Variants in PHLPP1 observed in about 807,000 individuals in gnomAD.
PHLPP1 encodes PH domain leucine-rich repeat-containing protein phosphatase 1.
In PHLPP1, 42 loss-of-function variants were observed where a neutral mutation model predicts 117.2. The observed-to-expected ratio is 0.36, with a 90% CI of 0.28 to 0.46. The LOEUF is 0.46. Among genes scored for constraint, PHLPP1 ranks in the 20% least tolerant of loss-of-function variants. The probability of loss-of-function intolerance (pLI) is 1.00; values close to 1 mark genes in which losing one functional copy is unlikely to be tolerated. For missense variants in PHLPP1, 2,084 were observed against 2,241.9 expected, an observed-to-expected ratio of 0.93 and a Z score of 1.42; for synonymous variants, 1,042 against 970.7, an observed-to-expected ratio of 1.07 and a Z score of -1.37.
chr18:62,737,481 T>G (rs1911403408), intron 1 of PHLPP1, among the ~76,000 whole-genome samples: 1 of 152,222 alleles, frequency 6.6e-6, no homozygotes, highest in African/African-American at 2.4e-5. Context: ...AACTAGAAAC[T>G]TGAAGACTGC....
intron 1 of PHLPP1, among the ~76,000 whole-genome samples, chr18:62,788,614 T>C (rs1913368092): frequency 6.6e-6 from 1 of 152,158 alleles, no homozygotes; most frequent in East Asian, 1.9e-4. Flanking sequence ...TCTACCAAGG[T>C]GTGTCACCAT....
intron 1 of PHLPP1, among the ~76,000 whole-genome samples, chr18:62,783,750 T>A (rs890525833): frequency 1.3e-5 from 2 of 152,178 alleles, no homozygotes; most frequent in African/African-American, 4.8e-5. Context: ...GCCTAATAAC[T>A]TGTGCCTTAA....
In PHLPP1 at chr18:62,772,830, C is replaced by CAAAAAAAAAAAAAAA. The variant is rs59776161; in HGVS notation, c.1576+55576_1576+55590dup. On this transcript the variant is annotated intron_variant, in intron 1 of 16. Transcript: ENST00000262719. Reference sequence around the variant, plus strand: ...TGGGCTACTAAGCAAGACTCTTTCTCAAAAAAAAAAAAAAAAAAAGATTTT... The same window carrying CAAAAAAAAAAAAAAA: ...TGGGCTACTAAGCAAGACTCTTTCTCAAAAAAAAAAAAAAAAAAAAAAAAAAAAAAAAAAGATTTT... 4.1e-3 allele frequency among the ~76,000 whole-genome samples: 249 copies of CAAAAAAAAAAAAAAA among 60,924 alleles called. 10 individuals are homozygous for CAAAAAAAAAAAAAAA. The highest frequency in any genetic ancestry group is 0.015 in the African/African-American group (207 of 13,696). The allele number at this position is 60,924 out of a possible 152,430, so 40.0% of individuals were successfully genotyped here. A position where few individuals can be genotyped will look rare whatever the true frequency, so the allele number is the denominator to read the frequency against.
At chr18:62,720,213 T>G (rs1479377791) in intron 1 of PHLPP1, among the ~76,000 whole-genome samples, 3 of 152,194 alleles carry the variant, frequency 2.0e-5, no homozygotes, top group African/African-American at 7.2e-5. Context: ...CGACATAAGT[T>G]ATGGACTCCT....
intron 1 of PHLPP1, among the ~76,000 whole-genome samples, chr18:62,747,637 C>T (rs1911718772): frequency 1.3e-5 from 2 of 152,104 alleles, no homozygotes; most frequent in East Asian, 1.9e-4. Flanking sequence ...CCACCTCAGC[C>T]TCCTGAGTAG....
chr18:62,853,645 C>T (rs1915417972), intron 3 of PHLPP1, among the ~76,000 whole-genome samples: 1 of 152,222 alleles, frequency 6.6e-6, no homozygotes, highest in Non-Finnish European at 1.5e-5. Flanking sequence ...GCTGGGATTA[C>T]AGGCGTGAGC....
chr18:62,912,566 T>A lies in PHLPP1; in HGVS notation c.2709-2347T>A, dbSNP rs558760357. ...TTGAATAAGAGCAGTATAGGAAGAGTATAGGAATGGGATTTGCGTACATGG... is the reference window on the plus strand; with the variant it reads ...TTGAATAAGAGCAGTATAGGAAGAGAATAGGAATGGGATTTGCGTACATGG... On this transcript the variant is annotated intron_variant, in intron 8 of 16. Coordinates refer to ENST00000262719, the MANE Select transcript of PHLPP1 (RefSeq NM_194449.4). Among the ~76,000 whole-genome samples the A allele has an allele frequency of 2.0e-5, 3 of 149,498 alleles. No homozygotes were observed. The Admixed American group carries it at 2.0e-4, about 10-fold the overall frequency.
chr18:62,715,771 GCAGCAGCAGCAGCAGC>G lies in PHLPP1; in HGVS notation c.89_104del (p.Ala30GlyfsTer21). On this transcript the variant is annotated frameshift_variant, in exon 1 of 17. Coordinates refer to ENST00000262719, the MANE Select transcript of PHLPP1 (RefSeq NM_194449.4). LOFTEE classifies it high-confidence loss of function. ...TTCGGCTCCGGCGGCCGCCGCTGCG[GCAGCAGCAGCAGCAGC>G]GGCGGCCGCGGCGGCTCTGGCGGCG... 3.5e-6 allele frequency: 3 copies of G among 861,666 alleles called. No homozygotes were observed. The highest frequency in any genetic ancestry group is 2.9e-6 in the Non-Finnish European group (2 of 700,870). The allele number at this position is 861,666 out of a possible 1,614,324, so 53.4% of individuals were successfully genotyped here.
intron 9 of PHLPP1, among the ~76,000 whole-genome samples, chr18:62,918,205 CAAAAAAAAAAA>C (rs11317555): frequency 7.4e-5 from 6 of 80,624 alleles, no homozygotes; most frequent in African/African-American, 2.0e-4. Flanking sequence ...GACTCTGTCT[CAAAAAAAAAAA>C]AAAAAAAAAG....
chr18:62,979,032 G>C lies in PHLPP1; in HGVS notation c.4755G>C (p.Gln1585His). The change falls in exon 17 of 17, where the codon CAG becomes CAC. Residue 1585 changes from glutamine (Q) to histidine (H), a missense_variant. By Grantham distance (24) the Gln-to-His change is conservative. Transcript: ENST00000262719. ...AGGAGAAACAGCAGCACCTGCTTCAGGTGCCAGCAGAGGCCAGTGATGAGG... is the reference window on the plus strand; with the variant it reads ...AGGAGAAACAGCAGCACCTGCTTCACGTGCCAGCAGAGGCCAGTGATGAGG... Reference protein sequence around the residue: ...KEKEKQQHLLQVPAEASDEGI... With the variant: ...KEKEKQQHLLHVPAEASDEGI... 2 of 1,613,790 alleles carry C rather than the reference G, an allele frequency of 1.2e-6. No homozygotes were observed. The highest frequency in any genetic ancestry group is 1.7e-6 in the Non-Finnish European group (2 of 1,179,796).
chr18:62,964,603 G>A (rs1259956211), intron 14 of PHLPP1, among the ~76,000 whole-genome samples: 2 of 152,170 alleles, frequency 1.3e-5, no homozygotes, highest in Non-Finnish European at 2.9e-5. Flanking sequence ...ACCCGAGGAG[G>A]TGTGCCTCAG....
intron 12 of PHLPP1, among the ~76,000 whole-genome samples, chr18:62,945,970 G>T (rs1425832462): frequency 6.6e-6 from 1 of 152,198 alleles, no homozygotes; most frequent in Non-Finnish European, 1.5e-5. Context: ...ACAACCATGT[G>T]TTCCTATTTT....
chr18:62,951,812 A>ATTTT (rs34516044), intron 12 of PHLPP1, among the ~76,000 whole-genome samples: 6 of 101,414 alleles, frequency 5.9e-5, no homozygotes, highest in Non-Finnish European at 9.6e-5. Context: ...CACATAATTA[A>ATTTT]TTTTTTTTTT....
chr18:62,966,258 ATAT>A (rs1910901948), intron 14 of PHLPP1, among the ~76,000 whole-genome samples: 2 of 152,124 alleles, frequency 1.3e-5, no homozygotes, highest in African/African-American at 2.4e-5. Context: ...TTAACTACTA[ATAT>A]TATTAATGAT....
Position 62,849,832 on chromosome 18 carries a change from A to AATATATATATATATATAT in PHLPP1, c.1900-10593_1900-10592insATATATATATATATATAT, listed in dbSNP as rs1555677082. Among the ~76,000 whole-genome samples the AATATATATATATATATAT allele has an allele frequency of 5.9e-3, 194 of 33,064 alleles. 4 individuals carry two copies. The highest frequency in any genetic ancestry group is 0.013 in the African/African-American group (107 of 8,084). 21.7% of individuals were successfully genotyped at this position (33,064 alleles called of 152,430 possible). ...AAAAAAAAAAAAAAAAAAAAAAAAAAATATATATATCCTTTAAAGTTTAGT... is the reference window on the plus strand; with the variant it reads ...AAAAAAAAAAAAAAAAAAAAAAAAAAATATATATATATATATATATATATATATCCTTTAAAGTTTAGT... On this transcript the variant is annotated intron_variant, in intron 3 of 16. Transcript: ENST00000262719.
intron 3 of PHLPP1, among the ~76,000 whole-genome samples, chr18:62,852,281 A>AATTCCAGGTAGAATTTCAAAATTC (rs1915374921): frequency 1.3e-5 from 2 of 152,166 alleles, no homozygotes; most frequent in Non-Finnish European, 2.9e-5. Context: ...TAAGTATAAA[A>AATTCCAGGTAGAATTTCAAAATTC]CTGGTAGCTT....
rs1266435953 is a variant in PHLPP1, at chr18:62,816,580, T to A, written c.1577-13455T>A. 3.5e-4 allele frequency among the ~76,000 whole-genome samples: 53 copies of A among 151,544 alleles called. 1 individual carries two copies. Among genetic ancestry groups the A allele is most frequent in the Admixed American group, 3.4e-3 (52 of 15,196 alleles). On this transcript the variant is annotated intron_variant, in intron 1 of 16. Coordinates refer to ENST00000262719, the MANE Select transcript of PHLPP1 (RefSeq NM_194449.4). ...ATACTCCGTCTCAAAAAAATAAAAA[T>A]AAATAATAAAAAAAAAGAAGTTTGT...
chr18:62,755,403 G>A (rs1911984487), intron 1 of PHLPP1, among the ~76,000 whole-genome samples: 1 of 152,140 alleles, frequency 6.6e-6, no homozygotes, highest in Admixed American at 6.5e-5. Context: ...TAGTGCCGTG[G>A]TGTGAGTGTA....
At position 62,715,845 on chromosome 18, in the gene PHLPP1, G is replaced by A; in HGVS notation, c.162G>A (p.Ala54=). The A allele has an allele frequency of 1.3e-6, 1 of 756,320 alleles. No homozygotes were observed. Among genetic ancestry groups the A allele is most frequent in the African/African-American group, 1.9e-5 (1 of 52,156 alleles). 46.9% of individuals were successfully genotyped at this position (756,320 alleles called of 1,614,324 possible). A position where few individuals can be genotyped will look rare whatever the true frequency, so the allele number is the denominator to read the frequency against. The change falls in exon 1 of 17, where the codon GCG becomes GCA. Residue 54 remains alanine, a synonymous_variant. Transcript: ENST00000262719. ...AAGGGRSPEP[A]LTPAAPSGGN... is the part of the protein sequence containing the mutation. ...GGGGCGGCCGGAGTCCGGAGCCCGC[G>A]CTGACCCCGGCGGCCCCGAGCGGCG...
Sources: gnomAD v4.1 joint callset for allele counts (sites outside exome capture counted in the v4.1 genomes callset) on GRCh38, gnomAD v4.1.1 for gene constraint, MANE v1.5 for transcripts, NCBI Gene and HGNC (gene_info 2026-07-23, HGNC 2026-07-21) for gene names.